KLRG1: variants seen among roughly 807,000 people sequenced by gnomAD.
KLRG1 encodes killer cell lectin like receptor G1, also known as killer cell lectin-like receptor subfamily G member 1.
Under a neutral mutation model 21.8 loss-of-function variants are expected in KLRG1, and 16 were observed. That is an observed-to-expected ratio of 0.73 (90% CI 0.50 to 1.11). KLRG1 has a LOEUF of 1.11. Among genes scored for constraint, KLRG1 ranks in the 50% most tolerant of loss-of-function variants. The probability of loss-of-function intolerance (pLI) is 0.00; values close to 1 mark genes in which losing one functional copy is unlikely to be tolerated. For synonymous variants in KLRG1, 69 were observed against 75.9 expected (o/e 0.91, Z 0.47); for missense variants, 173 against 218.3 (o/e 0.79, Z 1.31).
chr12:9,192,429 A>G, the KLRG1 span: 2 of 1,362,666 alleles, frequency 1.5e-6, no homozygotes, highest in African/African-American at 2.9e-5. Flanking sequence ...GTGTGCAAGT[A>G]GTTTATTTTG....
the KLRG1 span, among the ~76,000 whole-genome samples, chr12:9,016,737 C>T: frequency 6.6e-6 from 1 of 152,122 alleles, no homozygotes; most frequent in Non-Finnish European, 1.5e-5. Flanking sequence ...CCTCAGCCTC[C>T]TGTGTAGCTC....
the KLRG1 span, chr12:9,094,989 T>G: frequency 5.7e-6 from 9 of 1,567,934 alleles, no homozygotes; most frequent in Non-Finnish European, 6.9e-6. Flanking sequence ...AACCTACACG[T>G]AGACCTTCAG....
chr12:9,171,124 AGGAT>A, the KLRG1 span, among the ~76,000 whole-genome samples: 3 of 152,178 alleles, frequency 2.0e-5, no homozygotes, highest in Non-Finnish European at 4.4e-5. Context: ...GTACCCCCAC[AGGAT>A]GGAGTTTCTA....
At chr12:8,951,105 C>T (rs1041135394) in intron 1 of KLRG1, among the ~76,000 whole-genome samples, 1 of 151,958 alleles carries the variant, frequency 6.6e-6, no homozygotes, top group Admixed American at 6.6e-5. Context: ...CAGAAAACAA[C>T]AAAACAAAAA....
At chr12:9,188,665 G>A in the KLRG1 span, among the ~76,000 whole-genome samples, 1 of 152,100 alleles carries the variant, frequency 6.6e-6, no homozygotes, top group Non-Finnish European at 1.5e-5. Context: ...GAAAAATGAT[G>A]TTAGCAAAAT....
the KLRG1 span, chr12:9,110,115 G>A: frequency 6.8e-7 from 1 of 1,477,672 alleles, no homozygotes; most frequent in Non-Finnish European, 9.2e-7. Flanking sequence ...GAAACCCTAA[G>A]TTATCTACAA....
rs780577421 is a variant in KLRG1, at chr12:8,959,033, A to G, written c.-156+8797A>G. On this transcript the variant is annotated intron_variant, in intron 1 of 4. Coordinates refer to the KLRG1 transcript ENST00000539240. ...TATGGTTGACTCCATCTTGCTTCCA[A>G]CCTCTCAAGTTAAATTGTTTTTTTG... 3.3e-5 allele frequency among the ~76,000 whole-genome samples: 5 copies of G among 152,298 alleles called. No individual in the cohort carries two copies. The South Asian group carries it at 8.3e-4, about 25-fold the overall frequency.
the KLRG1 span, among the ~76,000 whole-genome samples, chr12:9,163,452 CA>C: frequency 0.43 from 58,154 of 136,168 alleles, 11,244 homozygotes; most frequent in Middle Eastern, 0.47. Flanking sequence ...AACTCCGTCT[CA>C]AAAAAAAAAA....
the KLRG1 span, among the ~76,000 whole-genome samples, chr12:9,024,780 T>C: frequency 6.6e-6 from 1 of 152,196 alleles, no homozygotes; most frequent in Non-Finnish European, 1.5e-5. Flanking sequence ...GGTTTTTACC[T>C]AGAAGGAGGT....
At chr12:9,209,147 A>G in the KLRG1 span, among the ~76,000 whole-genome samples, 1 of 152,188 alleles carries the variant, frequency 6.6e-6, no homozygotes, top group Admixed American at 6.5e-5. Context: ...CTCTCATAGA[A>G]CTTGTAGTAC....
In KLRG1 at chr12:9,009,933, AAGT is replaced by A; in HGVS notation, c.*398_*400del. 1 of 1,509,056 alleles carries A rather than the reference AAGT, an allele frequency of 6.6e-7. No homozygotes were observed. Among genetic ancestry groups the A allele is most frequent in the Non-Finnish European group, 8.9e-7 (1 of 1,123,806 alleles). The allele number at this position is 1,509,056 out of a possible 1,614,324, so 93.5% of individuals were successfully genotyped here. A position where few individuals can be genotyped will look rare whatever the true frequency, so the allele number is the denominator to read the frequency against. On this transcript the variant is annotated 3_prime_UTR_variant, in exon 5 of 5. Transcript: ENST00000356986. Reference sequence around the variant, plus strand: ...ATATACTATTGCTTGTGTACTAGAGAAGTACATTATTGCTGTACTCCTCTGTAC... The same window carrying A: ...ATATACTATTGCTTGTGTACTAGAGAACATTATTGCTGTACTCCTCTGTAC...
chr12:9,004,604 A>G (rs936607043), intron 3 of KLRG1, among the ~76,000 whole-genome samples: 2 of 152,040 alleles, frequency 1.3e-5, no homozygotes, highest in Non-Finnish European at 2.9e-5. Flanking sequence ...TCCCAAGTAC[A>G]TGTCACCAAG....
At chr12:9,099,500 T>C in the KLRG1 span, 7 of 1,610,058 alleles carry the variant, frequency 4.3e-6, no homozygotes, top group South Asian at 1.1e-5. Context: ...TTCACAGGGA[T>C]TGAGATGGAA....
chr12:9,090,344 T>A, the KLRG1 span: 1 of 1,613,910 alleles, frequency 6.2e-7, no homozygotes, highest in East Asian at 2.2e-5. Context: ...TCTCTAGCAG[T>A]TTTTTGCTCA....
At chr12:9,016,722 T>G in the KLRG1 span, among the ~76,000 whole-genome samples, 2 of 152,120 alleles carry the variant, frequency 1.3e-5, no homozygotes, top group African/African-American at 4.8e-5. Context: ...AAGTGATTCC[T>G]CATGCCTCAG....
At chr12:9,065,780 C>A in the KLRG1 span, 6 of 152,258 alleles carry the variant, frequency 3.9e-5, no homozygotes, top group African/African-American at 1.4e-4. Context: ...GCCCATGGAC[C>A]AATCAGCATG....
the KLRG1 span, among the ~76,000 whole-genome samples, chr12:9,139,002 C>A: frequency 6.6e-6 from 1 of 151,748 alleles, no homozygotes; most frequent in African/African-American, 2.4e-5. Context: ...TTTCTAGCCT[C>A]TTGAAGTATA....
chr12:9,112,130 T>A, the KLRG1 span: 1 of 1,610,982 alleles, frequency 6.2e-7, no homozygotes, highest in South Asian at 1.1e-5. Context: ...ATACAGACAA[T>A]CATTTTATGT....
the KLRG1 span, among the ~76,000 whole-genome samples, chr12:9,200,153 C>T: frequency 7.2e-5 from 11 of 151,984 alleles, no homozygotes; most frequent in Admixed American, 1.3e-4. Flanking sequence ...TGAAACAATA[C>T]GGAAAGATGT....
Sources: gnomAD v4.1 joint callset for allele counts (sites outside exome capture counted in the v4.1 genomes callset) on GRCh38, gnomAD v4.1.1 for gene constraint, MANE v1.5 for transcripts, NCBI Gene and HGNC (gene_info 2026-07-23, HGNC 2026-07-21) for gene names.